The following CSGALNACT1 variants were observed in gnomAD, a reference collection of about 807,000 sequenced individuals.
CSGALNACT1 encodes the protein beta4GalNAcT-1.
Under a neutral mutation model 51.0 loss-of-function variants are expected in CSGALNACT1, and 52 were observed. The observed-to-expected ratio is 1.02, with a 90% CI of 0.82 to 1.29. The LOEUF (loss-of-function observed/expected upper bound fraction) is 1.29, where lower values mean the gene tolerates loss of function less well. CSGALNACT1 is among the 50% of genes most tolerant of loss of function. The pLI is 0.00. For synonymous variants in CSGALNACT1, 341 were observed against 254.4 expected (o/e 1.34, Z -3.24); for missense variants, 935 against 679.2 (o/e 1.38, Z -4.19).
intron 5 of CSGALNACT1, among the ~76,000 whole-genome samples, chr8:19,440,367 C>G (rs1357549777): frequency 6.6e-6 from 1 of 152,116 alleles, no homozygotes; most frequent in East Asian, 1.9e-4. Context: ...AGCTTATCCA[C>G]CATGATCAAG....
At chr8:19,558,819 AG>A (rs2040054739) in intron 3 of CSGALNACT1, among the ~76,000 whole-genome samples, 1 of 152,190 alleles carries the variant, frequency 6.6e-6, no homozygotes, top group African/African-American at 2.4e-5. Context: ...TTCAGGGATG[AG>A]GCCATTACCT....
At chr8:19,431,802 A>G (rs2059688634) in intron 6 of CSGALNACT1, among the ~76,000 whole-genome samples, 1 of 122,700 alleles carries the variant, frequency 8.1e-6, no homozygotes, top group African/African-American at 2.6e-5. Context: ...CTCTGTGGAA[A>G]GTTCTTTTTT....
intron 4 of CSGALNACT1, among the ~76,000 whole-genome samples, chr8:19,501,246 C>CAAA (rs35069773): frequency 1.3e-4 from 11 of 83,594 alleles, no homozygotes; most frequent in African/African-American, 1.9e-4. Flanking sequence ...GACTCCGTCT[C>CAAA]AAAAAAAAAA....
intron 1 of CSGALNACT1, among the ~76,000 whole-genome samples, chr8:19,724,191 C>T (rs183123913): frequency 1.3e-5 from 2 of 152,326 alleles, no homozygotes; most frequent in Non-Finnish European, 2.9e-5. Flanking sequence ...CTACCTCAAA[C>T]CTGGCAGCCT....
chr8:19,748,388 TATA>T (rs2064815664), intron 1 of CSGALNACT1, among the ~76,000 whole-genome samples: 1 of 152,148 alleles, frequency 6.6e-6, no homozygotes, highest in Non-Finnish European at 1.5e-5. Context: ...TATATTTGAT[TATA>T]ATAATCTAGA....
intron 1 of CSGALNACT1, among the ~76,000 whole-genome samples, chr8:19,717,773 G>A (rs2062892787): frequency 6.6e-6 from 1 of 152,162 alleles, no homozygotes; most frequent in Non-Finnish European, 1.5e-5. Context: ...CAAGACTAGA[G>A]ACTATTTTTA....
At position 19,644,725 on chromosome 8, in the gene CSGALNACT1, A is replaced by G. The variant is rs548228552; in HGVS notation, c.-544+37748T>C. ...ACTCCGTCTCAAAAAAAAAAAAAAAAAAAAAAAAAAAGAGGAAACATAGCT... is the reference window on the plus strand; with the variant it reads ...ACTCCGTCTCAAAAAAAAAAAAAAAGAAAAAAAAAAAGAGGAAACATAGCT... On this transcript the variant is annotated intron_variant, in intron 1 of 9. Transcript: ENST00000332246. Among the ~76,000 whole-genome samples, 395 of 150,892 alleles carry G rather than the reference A, an allele frequency of 2.6e-3. 4 individuals carry two copies. Among genetic ancestry groups the G allele is most frequent in the African/African-American group, 9.3e-3 (383 of 41,298 alleles).
chr8:19,437,053 C>T (rs1365847573), intron 6 of CSGALNACT1, among the ~76,000 whole-genome samples: 1 of 152,012 alleles, frequency 6.6e-6, no homozygotes, highest in African/African-American at 2.4e-5. Context: ...GACACAGTAC[C>T]ACTTATTGAG....
At chr8:19,508,460 G>T (rs1449614836) in intron 3 of CSGALNACT1, among the ~76,000 whole-genome samples, 1 of 152,184 alleles carries the variant, frequency 6.6e-6, no homozygotes, top group Admixed American at 6.5e-5. Flanking sequence ...TGCATGTTTA[G>T]CCCTGGAAGC....
intron 4 of CSGALNACT1, among the ~76,000 whole-genome samples, chr8:19,485,154 G>A (rs1285015913): frequency 2.0e-5 from 3 of 152,116 alleles, no homozygotes; most frequent in African/African-American, 7.2e-5. Flanking sequence ...CCCAGAATGT[G>A]TCTTCTGTAA....
chr8:19,508,882 C>G (rs1371482567), intron 3 of CSGALNACT1, among the ~76,000 whole-genome samples: 1 of 152,092 alleles, frequency 6.6e-6, no homozygotes, highest in Non-Finnish European at 1.5e-5. Context: ...ACTGGAATAT[C>G]TTTTTGTTCT....
At chr8:19,562,811 C>T (rs145973854) in intron 3 of CSGALNACT1, among the ~76,000 whole-genome samples, 236 of 152,258 alleles carry the variant, frequency 1.5e-3, no homozygotes, top group African/African-American at 2.6e-3. Context: ...GAAACAGGAA[C>T]GCTCTTACAC....
rs557114605 is a variant in CSGALNACT1 at position 19,428,179 on chromosome 8, C to T, written c.954-7661G>A. 5.9e-5 allele frequency among the ~76,000 whole-genome samples: 9 copies of T among 152,256 alleles called. No individual in the cohort carries two copies. In the South Asian group the frequency reaches 1.2e-3, roughly 21 times the overall value. ...CTGCACCCTGAGGCATGCATCCCTC[C>T]GTTTCCCACACAATACCCGAATGTA... is the stretch of plus-strand genomic sequence containing the variant. On this transcript the variant is annotated intron_variant, in intron 6 of 9. Coordinates refer to ENST00000454498, the Ensembl canonical transcript of CSGALNACT1.
intron 6 of CSGALNACT1, among the ~76,000 whole-genome samples, chr8:19,436,593 A>C: frequency 6.6e-6 from 1 of 152,198 alleles, no homozygotes; most frequent in Non-Finnish European, 1.5e-5. Context: ...ATAAAGTTTC[A>C]TGTATAAGCT....
chr8:19,486,480 A>T (rs1329202768), intron 4 of CSGALNACT1, among the ~76,000 whole-genome samples: 1 of 151,412 alleles, frequency 6.6e-6, no homozygotes. Flanking sequence ...TACTTCTCAG[A>T]CCTCATCTCC....
At position 19,405,301 on chromosome 8, in the gene CSGALNACT1, C is replaced by G. The variant is rs995424215; in HGVS notation, c.*479G>C. ...CATTTTATTTTACTTAATGTACTCACTAGTATCATAATAAGCCTATCTCCT... is the reference window on the plus strand; with the variant it reads ...CATTTTATTTTACTTAATGTACTCAGTAGTATCATAATAAGCCTATCTCCT... On this transcript the variant is annotated 3_prime_UTR_variant, in exon 10 of 10. Coordinates refer to ENST00000454498, the Ensembl canonical transcript of CSGALNACT1. The G allele has an allele frequency of 2.4e-5, 11 of 453,972 alleles. No individual in the cohort carries two copies. In the East Asian group the frequency reaches 6.9e-4, roughly 29 times the overall value. The allele number at this position is 453,972 out of a possible 1,614,324, so 28.1% of individuals were successfully genotyped here.
intron 3 of CSGALNACT1, among the ~76,000 whole-genome samples, chr8:19,588,927 G>C (rs766195727): frequency 6.6e-4 from 100 of 152,298 alleles, no homozygotes; most frequent in Non-Finnish European, 1.3e-3. Context: ...ATGCATAGTA[G>C]TTGAGGGGTG....
intron 1 of CSGALNACT1, among the ~76,000 whole-genome samples, chr8:19,632,113 T>C (rs998526317): frequency 2.0e-5 from 3 of 152,254 alleles, no homozygotes; most frequent in Non-Finnish European, 4.4e-5. Context: ...CTACAAAGGT[T>C]TGGAAAACAA....
chr8:19,746,147 T>C (rs924477679), intron 1 of CSGALNACT1, among the ~76,000 whole-genome samples: 11 of 152,158 alleles, frequency 7.2e-5, no homozygotes, highest in Non-Finnish European at 1.3e-4. Context: ...TATGGGAAAA[T>C]TGGACCAGTT....
Sources: allele counts gnomAD v4.1 joint callset (sites outside exome capture counted in the v4.1 genomes callset), GRCh38; gene constraint gnomAD v4.1.1; transcripts MANE v1.5; gene names NCBI Gene and HGNC (gene_info 2026-07-23, HGNC 2026-07-21).